Variants in TMEM201 observed in about 807,000 individuals in gnomAD.
TMEM201 encodes RP13-15M17.2.
In TMEM201, 26 loss-of-function variants were observed where a neutral mutation model predicts 63.4. That is an observed-to-expected ratio of 0.41 (90% confidence interval 0.30 to 0.57). The LOEUF (loss-of-function observed/expected upper bound fraction) is 0.57. Ranked by LOEUF, TMEM201 falls within the 20% of genes least tolerant of loss-of-function variation. TMEM201 has a pLI of 0.29. For missense variants in TMEM201, 794 were observed against 917.7 expected, an observed-to-expected ratio of 0.87 and a Z score of 1.74; for synonymous variants, 417 against 421.6, an observed-to-expected ratio of 0.99 and a Z score of 0.14.
At chr1:9,601,953 C>G in intron 5 of TMEM201, 116 bp from the exon 6 acceptor site, 2 of 1,258,246 alleles carry the variant, frequency 1.6e-6, no homozygotes, top group Non-Finnish European at 2.1e-6. Flanking sequence ...CCACACTGTC[C>G]CCTGGCTCTG....
chr1:9,610,730 A>G lies in TMEM201; in HGVS notation c.1690A>G (p.Asn564Asp). Residue 564 changes from asparagine (N) to aspartate (D), a missense_variant, in exon 9 of 11, where the codon AAC becomes GAC. Asn to Asp is a conservative substitution (Grantham distance 23). Transcript: ENST00000340381. This position sits in a 1 kb window ranked among gnomAD's most constrained non-coding sequence, Gnocchi z 4.9. ...CAGCTCCGATGAGCACTCGCCTCAC[A>G]ACGGCAGCCTCTTCACCATGGAGCC... ...PSSSDEHSPH[N>D]GSLFTMEPPH... 1.9e-6 allele frequency: 3 copies of G among 1,550,340 alleles called. No homozygotes were observed. The highest frequency in any genetic ancestry group is 2.6e-6 in the Non-Finnish European group (3 of 1,146,816).
At chr1:9,602,628 C>G in intron 6 of TMEM201, 2 of 1,197,796 alleles carry the variant, frequency 1.7e-6, no homozygotes, top group Non-Finnish European at 2.1e-6. Flanking sequence ...GCACCCCCCT[C>G]TCACCACGCC....
chr1:9,609,723 C>T, intron 7 of TMEM201, 117 bp from the exon 8 acceptor site: 1 of 1,018,976 alleles, frequency 9.8e-7, no homozygotes, highest in South Asian at 1.5e-5. Flanking sequence ...CCTGTGTTTC[C>T]ATGAAAGCAC....
At chr1:9,593,062 G>A (rs1370814055) in intron 1 of TMEM201, among the ~76,000 whole-genome samples, 1 of 152,220 alleles carries the variant, frequency 6.6e-6, no homozygotes, top group Non-Finnish European at 1.5e-5. Context: ...GCTTGCAGAA[G>A]AGAAGTGGGC....
rs1047841745 is a variant in TMEM201 at position 9,598,378 on chromosome 1, C to T, written c.430-71C>T. The T allele has an allele frequency of 5.2e-5, 81 of 1,543,674 alleles. 2 individuals are homozygous for T. The South Asian group carries it at 8.9e-4, about 17-fold the overall frequency. On this transcript the variant is annotated intron_variant, in intron 3 of 10. Coordinates refer to ENST00000340381, the MANE Select transcript of TMEM201 (RefSeq NM_001130924.3). Reference sequence around the variant, plus strand: ...AGTGGCAGGTCAGGATCTGATTCCACGTCTGACCTGTAAGATGGAGGCAGC... The same window carrying T: ...AGTGGCAGGTCAGGATCTGATTCCATGTCTGACCTGTAAGATGGAGGCAGC...
At position 9,609,715 on chromosome 1, in the gene TMEM201, T is replaced by C. The variant is rs1424729637; in HGVS notation, c.1394-125T>C. ...GCAGTCCGAGGAATCCGTGAGCACC[T>C]GTGTTTCCATGAAAGCACATTTGTA... On this transcript the variant is annotated intron_variant, in intron 7 of 10. Transcript: ENST00000340381. 5 of 910,190 alleles carry C rather than the reference T, an allele frequency of 5.5e-6. No individual in the cohort carries two copies. In the East Asian group the frequency reaches 1.1e-4, roughly 20 times the overall value. 56.4% of individuals were successfully genotyped at this position (910,190 alleles called of 1,614,324 possible).
chr1:9,606,200 G>GGA (rs1644240029), intron 6 of TMEM201: 5 of 152,380 alleles, frequency 3.3e-5, no homozygotes, highest in Middle Eastern at 3.4e-3. Context: ...AGCCTTCCCT[G>GGA]GAGTCTTGGG....
chr1:9,594,415 C>T (rs756074776), intron 1 of TMEM201, among the ~76,000 whole-genome samples: 5 of 152,134 alleles, frequency 3.3e-5, no homozygotes, highest in Non-Finnish European at 5.9e-5. Flanking sequence ...GGGCCTTCCC[C>T]GCAGGGCCTG....
rs576409623 is a variant in TMEM201, at chr1:9,588,920, C to T, written c.-11C>T. 1 of 1,263,660 alleles carries T rather than the reference C, an allele frequency of 7.9e-7. No homozygotes were observed. The highest frequency in any genetic ancestry group is 1.5e-5 in the South Asian group (1 of 65,626). 78.3% of individuals were successfully genotyped at this position (1,263,660 alleles called of 1,614,324 possible). A position where few individuals can be genotyped will look rare whatever the true frequency, so the allele number is the denominator to read the frequency against. On this transcript the variant is annotated 5_prime_UTR_variant, in exon 1 of 11. In the 5' UTR this introduces an upstream ATG that the reference lacks. Coordinates refer to ENST00000340381, the MANE Select transcript of TMEM201 (RefSeq NM_001130924.3). ...CCCCTGCCGGCCTGCCGTCCTTCCA[C>T]GCGGAGAGCCATGGAGGGAGTGAGC...
rs1644229768 is a variant in TMEM201, at chr1:9,605,664, C to G, written c.1161-1893C>G. ...AGGGAGTCAAACTGCGAAGGAACTCCCCACAGCACCATCTTCAGTGGCACC... is the reference window on the plus strand; with the variant it reads ...AGGGAGTCAAACTGCGAAGGAACTCGCCACAGCACCATCTTCAGTGGCACC... On this transcript the variant is annotated intron_variant, in intron 6 of 10. Transcript: ENST00000340381. The surrounding 1 kb of genome is among the most constrained non-coding windows in gnomAD (Gnocchi z 5.7). 6.6e-6 allele frequency among the ~76,000 whole-genome samples: 1 copy of G among 151,986 alleles called. No homozygotes were observed. The highest frequency in any genetic ancestry group is 6.6e-5 in the Admixed American group (1 of 15,266).
intron 3 of TMEM201, among the ~76,000 whole-genome samples, chr1:9,598,060 G>A (rs898817587): frequency 1.1e-4 from 17 of 152,194 alleles, no homozygotes; most frequent in African/African-American, 3.9e-4. Flanking sequence ...GCCACAGTCG[G>A]GGTTGTCCAT....
intron 3 of TMEM201, 60 bp downstream of exon 3, chr1:9,597,113 G>A (rs927414463): frequency 2.0e-5 from 30 of 1,536,878 alleles, no homozygotes; most frequent in Admixed American, 1.3e-4. Flanking sequence ...TAGAGCAGCC[G>A]GGGGACAGGC....
Position 9,610,675 on chromosome 1 carries a change from A to AC in TMEM201, c.1640dup (p.Gly548TrpfsTer12). ...GACAGAAGCTGCTGCTGTTCCCGTC[A>AC]CCCCCTGGAGAGGCCCCCACCACGC... is the stretch of plus-strand genomic sequence containing the variant. On this transcript the variant is annotated frameshift_variant, in exon 9 of 11. Transcript: ENST00000340381. LOFTEE classifies it high-confidence loss of function. The surrounding 1 kb of genome is among the most constrained non-coding windows in gnomAD (Gnocchi z 4.9). 6.5e-7 allele frequency: 1 copy of AC among 1,550,000 alleles called. No homozygotes were observed. The highest frequency in any genetic ancestry group is 8.7e-7 in the Non-Finnish European group (1 of 1,146,792).
In TMEM201 at chr1:9,604,165, T is replaced by C; in HGVS notation, c.1160+1893T>C. The C allele has an allele frequency of 1.0e-6, 1 of 985,470 alleles. No homozygotes were observed. The highest frequency in any genetic ancestry group is 1.2e-6 in the Non-Finnish European group (1 of 829,942). The allele number at this position is 985,470 out of a possible 1,614,324, so 61.0% of individuals were successfully genotyped here. A position where few individuals can be genotyped will look rare whatever the true frequency, so the allele number is the denominator to read the frequency against. On this transcript the variant is annotated intron_variant, in intron 6 of 10. Coordinates refer to ENST00000340381, the MANE Select transcript of TMEM201 (RefSeq NM_001130924.3). The surrounding 1 kb of genome is among the most constrained non-coding windows in gnomAD (Gnocchi z 4.1). ...GAATCTTCGGTTCTCGAGGAAGTGT[T>C]GACAGTGTGATGCTAATGTCTGCTT...
intron 1 of TMEM201, among the ~76,000 whole-genome samples, chr1:9,591,697 C>G (rs1250479826): frequency 6.6e-6 from 1 of 152,220 alleles, no homozygotes; most frequent in East Asian, 1.9e-4. Context: ...GATGCAGCCT[C>G]CCAGAGGATA....
Position 9,610,394 on chromosome 1 carries a change from C to A in TMEM201, c.1466-112C>A. On this transcript the variant is annotated intron_variant, in intron 8 of 10. Coordinates refer to ENST00000340381, the MANE Select transcript of TMEM201 (RefSeq NM_001130924.3). This position sits in a 1 kb window ranked among gnomAD's most constrained non-coding sequence, Gnocchi z 4.9. ...CTTCCCCCTGTCCCCAGTCTCTGCA[C>A]CTTTCCTGTCTTCCCGGGTTAATAG... 8.8e-7 allele frequency: 1 copy of A among 1,141,610 alleles called. No individual in the cohort carries two copies. The highest frequency in any genetic ancestry group is 1.2e-6 in the Non-Finnish European group (1 of 828,476). The allele number at this position is 1,141,610 out of a possible 1,614,324, so 70.7% of individuals were successfully genotyped here.
intron 10 of TMEM201, among the ~76,000 whole-genome samples, chr1:9,612,191 C>T (rs1388754585): frequency 6.6e-6 from 1 of 152,254 alleles, no homozygotes; most frequent in Non-Finnish European, 1.5e-5. Flanking sequence ...TTGAGCTGCA[C>T]TAGCCACATT....
intron 1 of TMEM201, among the ~76,000 whole-genome samples, chr1:9,592,328 TAC>T (rs958379321): frequency 2.6e-5 from 4 of 152,176 alleles, no homozygotes; most frequent in African/African-American, 9.7e-5. Context: ...ACCTGACTCT[TAC>T]AGTCTTTCCA....
chr1:9,602,977 C>G, intron 6 of TMEM201: 2 of 985,576 alleles, frequency 2.0e-6, no homozygotes, highest in Non-Finnish European at 2.4e-6. Flanking sequence ...CCAGCCTGGC[C>G]TTCGCCATGA....
Sources: gnomAD v4.1 joint callset for allele counts (sites outside exome capture counted in the v4.1 genomes callset) on GRCh38, gnomAD v4.1.1 for gene constraint, Gnocchi (gnomAD v3.1) non-coding constraint, MANE v1.5 for transcripts, NCBI Gene and HGNC (gene_info 2026-07-23, HGNC 2026-07-21) for gene names.